DIP2C: variants seen among roughly 807,000 people sequenced by gnomAD.
DIP2C encodes disco-interacting protein 2 homolog C.
In DIP2C, 33 loss-of-function variants were observed where a neutral mutation model predicts 192.4. The ratio of observed to expected loss-of-function variants is 0.17; its 90% CI spans 0.13 to 0.23. The LOEUF is 0.23. Among genes scored for constraint, DIP2C ranks in the 10% least tolerant of loss-of-function variants. The pLI is 1.00. For missense variants in DIP2C, 1,537 were observed against 2,110.1 expected (o/e 0.73, Z 5.32); for synonymous variants, 979 against 864.1 (o/e 1.13, Z -2.33).
intron 1 of DIP2C, among the ~76,000 whole-genome samples, chr10:499,777 A>G (rs1845096667): frequency 6.6e-6 from 1 of 152,230 alleles, no homozygotes; most frequent in South Asian, 2.1e-4. Context: ...GGGTGGGGAT[A>G]CAGAGCCAAA....
intron 4 of DIP2C, chr10:437,433 C>A (rs752766982): frequency 2.0e-5 from 3 of 152,536 alleles, no homozygotes; most frequent in Non-Finnish European, 2.9e-5. Context: ...TCTCTCTGAT[C>A]TCCGCCTCCT....
chr10:385,061 C>G (rs987108560), intron 14 of DIP2C, among the ~76,000 whole-genome samples: 3 of 151,188 alleles, frequency 2.0e-5, no homozygotes, highest in Admixed American at 1.3e-4. Flanking sequence ...TGAGGAGAAG[C>G]AGCTCTCAGG....
chr10:589,499 T>C (rs1851279309), intron 1 of DIP2C, among the ~76,000 whole-genome samples: 2 of 152,330 alleles, frequency 1.3e-5, no homozygotes, highest in East Asian at 1.9e-4. Context: ...TTAATTTTCA[T>C]ACAGGAATTT....
intron 24 of DIP2C, 95 bp downstream of exon 24, chr10:356,331 G>T: frequency 7.3e-7 from 1 of 1,373,426 alleles, no homozygotes; most frequent in Non-Finnish European, 1.0e-6. Context: ...TAAGACTGAA[G>T]CAAAAGGATT....
chr10:483,998 C>A (rs190491788), intron 2 of DIP2C, among the ~76,000 whole-genome samples: 121 of 152,184 alleles, frequency 8.0e-4, no homozygotes, highest in Middle Eastern at 3.4e-3. Context: ...TTTGTAGAGA[C>A]GGGGACTCCC....
chr10:363,166 G>C lies in DIP2C; in HGVS notation c.2592+31C>G. The C allele has an allele frequency of 6.3e-7, 1 of 1,589,492 alleles. No individual in the cohort carries two copies. The highest frequency in any genetic ancestry group is 8.6e-7 in the Non-Finnish European group (1 of 1,159,994). ...TAAGGAGGCCAGAAACAAGACACAGGGGACCAGTGCCCAGGGCGAGGGAGG... is the reference window on the plus strand; with the variant it reads ...TAAGGAGGCCAGAAACAAGACACAGCGGACCAGTGCCCAGGGCGAGGGAGG... On this transcript the variant is annotated intron_variant, in intron 21 of 36. Coordinates refer to ENST00000280886, the MANE Select transcript of DIP2C (RefSeq NM_014974.3). This position sits in a 1 kb window ranked among gnomAD's most constrained non-coding sequence, Gnocchi z 5.4.
At chr10:607,866 G>T (rs1021203335) in intron 1 of DIP2C, among the ~76,000 whole-genome samples, 34 of 152,070 alleles carry the variant, frequency 2.2e-4, no homozygotes, top group African/African-American at 8.0e-4. Context: ...AGCCAAAGTA[G>T]GCCCACAAGG....
At chr10:404,158 T>TG (rs1268010083) in intron 9 of DIP2C, among the ~76,000 whole-genome samples, 2 of 152,222 alleles carry the variant, frequency 1.3e-5, no homozygotes, top group Non-Finnish European at 2.9e-5. Context: ...CATCAGCACG[T>TG]GAATCCTATG....
At chr10:381,027 C>G (rs543717553) in intron 17 of DIP2C, among the ~76,000 whole-genome samples, 1 of 152,212 alleles carries the variant, frequency 6.6e-6, no homozygotes, top group African/African-American at 2.4e-5. Flanking sequence ...GGTGGAAACG[C>G]AAGTACGAGT....
At chr10:556,931 T>TC (rs1848911682) in intron 1 of DIP2C, among the ~76,000 whole-genome samples, 1 of 152,126 alleles carries the variant, frequency 6.6e-6, no homozygotes, top group Admixed American at 6.5e-5. Flanking sequence ...CTCTCTCCTC[T>TC]CTCTCTCCAG....
At chr10:445,918 T>C (rs1299479952) in intron 3 of DIP2C, among the ~76,000 whole-genome samples, 1 of 152,042 alleles carries the variant, frequency 6.6e-6, no homozygotes, top group Non-Finnish European at 1.5e-5. Flanking sequence ...ATACATCTGT[T>C]GTGAAGTCTC....
At chr10:564,363 G>T (rs888607996) in intron 1 of DIP2C, among the ~76,000 whole-genome samples, 1 of 152,066 alleles carries the variant, frequency 6.6e-6, no homozygotes, top group Non-Finnish European at 1.5e-5. Flanking sequence ...CAGCCTGGAC[G>T]TCACCTTGGG....
intron 7 of DIP2C, among the ~76,000 whole-genome samples, chr10:414,460 A>G (rs1330038571): frequency 1.3e-5 from 2 of 152,008 alleles, no homozygotes; most frequent in East Asian, 3.9e-4. Flanking sequence ...GTGATTTTGG[A>G]CCCCAAATTG....
chr10:588,703 C>T (rs1851231545), intron 1 of DIP2C, among the ~76,000 whole-genome samples: 2 of 152,226 alleles, frequency 1.3e-5, no homozygotes, highest in Non-Finnish European at 2.9e-5. Context: ...CGAGCTCCTC[C>T]AGCTGCCGTC....
chr10:310,497 C>T (rs941582570), intron 31 of DIP2C, among the ~76,000 whole-genome samples: 1 of 152,174 alleles, frequency 6.6e-6, no homozygotes, highest in Non-Finnish European at 1.5e-5. Flanking sequence ...TTTGAGGGCC[C>T]AGGACAGTGA....
intron 11 of DIP2C, 70 bp downstream of exon 11, chr10:390,670 G>T: frequency 6.4e-7 from 1 of 1,564,042 alleles, no homozygotes; most frequent in South Asian, 1.2e-5. Context: ...GAGGCGGGGT[G>T]ACGTATTCCC....
chr10:467,893 G>A (rs564722966), intron 3 of DIP2C, among the ~76,000 whole-genome samples: 41 of 152,262 alleles, frequency 2.7e-4, no homozygotes, highest in African/African-American at 9.9e-4. Context: ...CATGGCACAT[G>A]TATACGTATG....
intron 1 of DIP2C, among the ~76,000 whole-genome samples, chr10:593,438 A>AC (rs1380776786): frequency 2.1e-5 from 3 of 143,978 alleles, no homozygotes; most frequent in Non-Finnish European, 3.0e-5. Flanking sequence ...CTCCCAGCAG[A>AC]CCCCACACCC....
intron 3 of DIP2C, among the ~76,000 whole-genome samples, chr10:444,581 A>G (rs1440264976): frequency 6.6e-6 from 1 of 151,710 alleles, no homozygotes; most frequent in East Asian, 1.9e-4. Flanking sequence ...AGCCCACAGC[A>G]TGGTGTTCAC....
Sources: gnomAD v4.1 joint callset for allele counts (sites outside exome capture counted in the v4.1 genomes callset) on GRCh38, gnomAD v4.1.1 for gene constraint, Gnocchi (gnomAD v3.1) non-coding constraint, MANE v1.5 for transcripts, NCBI Gene and HGNC (gene_info 2026-07-23, HGNC 2026-07-21) for gene names.